NNMT: variants seen among roughly 807,000 people sequenced by gnomAD.
NNMT encodes the protein nicotinamide N-methyltransferase.
NNMT carries 10 observed loss-of-function variants against 11.7 expected under a neutral mutation model. The ratio of observed to expected loss-of-function variants is 0.85; its 90% confidence interval spans 0.53 to 1.45. NNMT has a LOEUF of 1.45. NNMT is among the 40% of genes most tolerant of loss of function. NNMT has a pLI of 0.00. For synonymous variants in NNMT, 143 were observed against 133.8 expected (o/e 1.07, Z -0.48); for missense variants, 381 against 319.4 (o/e 1.19, Z -1.47).
At chr11:114,261,009 A>T (rs611048) in intron 1 of NNMT, among the ~76,000 whole-genome samples, 94,529 of 152,050 alleles carry the variant, frequency 0.62, 32,456 homozygotes, top group Non-Finnish European at 0.78. Context: ...AGCCAACTAG[A>T]GTAACGACGT....
chr11:114,306,839 G>A (rs1945496940), intron 2 of NNMT, among the ~76,000 whole-genome samples: 1 of 152,160 alleles, frequency 6.6e-6, no homozygotes, highest in African/African-American at 2.4e-5. Flanking sequence ...TGTCGAGGTG[G>A]CAGTTCTCTG....
upstream of NNMT, chr11:114,296,345 G>A (rs926845884): frequency 5.2e-5 from 28 of 537,224 alleles, no homozygotes; most frequent in Non-Finnish European, 7.8e-5. Flanking sequence ...CCCTTCTCCG[G>A]GAATTTCATC....
chr11:114,275,135 A>C (rs1200551864), intron 2 of NNMT, among the ~76,000 whole-genome samples: 1 of 152,208 alleles, frequency 6.6e-6, no homozygotes, highest in Non-Finnish European at 1.5e-5. Flanking sequence ...TTAAGACAAT[A>C]ACATTTGTAA....
upstream of NNMT, among the ~76,000 whole-genome samples, chr11:114,293,049 T>C (rs2847492): frequency 0.72 from 109,513 of 152,018 alleles, 39,697 homozygotes; most frequent in Admixed American, 0.81. Flanking sequence ...GTTTTTCCAG[T>C]TGTCCATTTT....
chr11:114,262,912 G>T (rs10891639), exon 2 of NNMT: 40,683 of 152,122 alleles, frequency 0.27, 6,201 homozygotes, highest in African/African-American at 0.41. Context: ...AAGTGCATCA[G>T]GACGGCTCGT....
intron 2 of NNMT, among the ~76,000 whole-genome samples, chr11:114,263,722 C>T (rs1348346641): frequency 2.0e-5 from 3 of 152,220 alleles, no homozygotes; most frequent in Admixed American, 2.0e-4. Flanking sequence ...AAGTGAAGTG[C>T]TAGCCTTAAA....
intron 2 of NNMT, among the ~76,000 whole-genome samples, chr11:114,309,205 A>G (rs1473979869): frequency 6.6e-6 from 1 of 152,150 alleles, no homozygotes; most frequent in Non-Finnish European, 1.5e-5. Context: ...TTTCTGTTCT[A>G]GATTAGTTTG....
At chr11:114,302,905 G>A (rs1218054970) in intron 2 of NNMT, among the ~76,000 whole-genome samples, 2 of 152,096 alleles carry the variant, frequency 1.3e-5, no homozygotes, top group Non-Finnish European at 2.9e-5. Flanking sequence ...GCCATATAAA[G>A]GTACAATGAG....
upstream of NNMT, among the ~76,000 whole-genome samples, chr11:114,294,221 G>A (rs1264627577): frequency 2.0e-5 from 3 of 152,094 alleles, no homozygotes; most frequent in Non-Finnish European, 2.9e-5. Flanking sequence ...AGTGGCTCAC[G>A]CCTGTAATCC....
chr11:114,260,008 T>C (rs968920898), intron 1 of NNMT, among the ~76,000 whole-genome samples: 1 of 152,092 alleles, frequency 6.6e-6, no homozygotes, highest in African/African-American at 2.4e-5. Flanking sequence ...ACTTCATCCA[T>C]ACCTACTCTG....
chr11:114,288,702 G>A (rs1945315461), intron 2 of NNMT, among the ~76,000 whole-genome samples: 1 of 152,084 alleles, frequency 6.6e-6, no homozygotes, highest in African/African-American at 2.4e-5. Context: ...TTTCTCATAT[G>A]CTGAAATGGG....
At chr11:114,257,917 A>T (rs1455213172) in intron 1 of NNMT, 1 of 152,616 alleles carries the variant, frequency 6.6e-6, no homozygotes, top group Non-Finnish European at 1.5e-5. Context: ...GCTTTGTGTG[A>T]CCGCCAGCTC....
chr11:114,311,931 T>C, intron 2 of NNMT, 114 bp from the exon 3 acceptor site: 6 of 1,033,100 alleles, frequency 5.8e-6, no homozygotes, highest in Non-Finnish European at 8.4e-6. Context: ...CCGATAGAGG[T>C]GGCCCTAAGG....
At chr11:114,271,557 A>G (rs1945170486) in intron 2 of NNMT, among the ~76,000 whole-genome samples, 1 of 152,206 alleles carries the variant, frequency 6.6e-6, no homozygotes, top group Admixed American at 6.5e-5. Context: ...TTTGACCTGC[A>G]TCTGGGTTAG....
intron 2 of NNMT, among the ~76,000 whole-genome samples, chr11:114,287,329 A>C (rs1945306787): frequency 6.6e-6 from 1 of 152,224 alleles, no homozygotes; most frequent in African/African-American, 2.4e-5. Flanking sequence ...ACCCAAGGTC[A>C]TAAAGATATT....
intron 2 of NNMT, among the ~76,000 whole-genome samples, chr11:114,285,846 A>G (rs1945294877): frequency 6.6e-6 from 1 of 152,226 alleles, no homozygotes; most frequent in African/African-American, 2.4e-5. Context: ...ACCCAGGGGT[A>G]CATTTCTTTC....
chr11:114,260,844 T>C (rs942877911), intron 1 of NNMT, among the ~76,000 whole-genome samples: 2 of 152,202 alleles, frequency 1.3e-5, no homozygotes, highest in African/African-American at 4.8e-5. Flanking sequence ...TGGCAGAATC[T>C]GGGATTCAGT....
At chr11:114,285,311 C>G (rs552914544) in intron 2 of NNMT, among the ~76,000 whole-genome samples, 161 of 152,282 alleles carry the variant, frequency 1.1e-3, no homozygotes, top group Non-Finnish European at 2.0e-3. Flanking sequence ...CGAGAGGGCA[C>G]ACTGTGAGAA....
chr11:114,264,054 T>A lies in NNMT; in HGVS notation c.-130+1120T>A, dbSNP rs529349628. Reference sequence around the variant, plus strand: ...ATGGACTATGTGTCCATCCTCTTATTAAAAGTCAGCTCCTCCTCTTGGGCT... The same window carrying A: ...ATGGACTATGTGTCCATCCTCTTATAAAAAGTCAGCTCCTCCTCTTGGGCT... On this transcript the variant is annotated intron_variant, in intron 2 of 4. Transcript: ENST00000535401. Among the ~76,000 whole-genome samples, 526 of 152,212 alleles carry A rather than the reference T, an allele frequency of 3.5e-3. 1 individual carries two copies. Among genetic ancestry groups the A allele is most frequent in the Non-Finnish European group, 6.0e-3 (410 of 68,008 alleles).
Sources: gnomAD v4.1 joint callset for allele counts (sites outside exome capture counted in the v4.1 genomes callset) on GRCh38, gnomAD v4.1.1 for gene constraint, MANE v1.5 for transcripts, NCBI Gene and HGNC (gene_info 2026-07-23, HGNC 2026-07-21) for gene names.